Variants in COL24A1 observed in about 807,000 individuals in gnomAD.
The protein encoded by COL24A1 is collagen type XXIV alpha 1 chain, also known as collagen alpha-1(XXIV) chain.
In COL24A1, 224 loss-of-function variants were observed where a neutral mutation model predicts 253.9. The ratio of observed to expected loss-of-function variants is 0.88; its 90% CI spans 0.79 to 0.99. The LOEUF is 0.99. Among genes scored for constraint, COL24A1 ranks in the 50% least tolerant of loss-of-function variants. The probability of loss-of-function intolerance (pLI) is 0.00; values close to 1 mark genes in which losing one functional copy is unlikely to be tolerated. For synonymous variants in COL24A1, 685 were observed against 673.7 expected, an observed-to-expected ratio of 1.02 and a Z score of -0.26; for missense variants, 2,131 against 2,068.5, an observed-to-expected ratio of 1.03 and a Z score of -0.59.
Position 86,022,247 on chromosome 1 carries a change from C to T in COL24A1, c.2249G>A (p.Gly750Glu). ...GCAAAAGTTCAAACCTACTGAAGGC[C>T]CTGACTTTCCTCTCATCCCTGGTGG... ...PGPPGMRGKS[G>E]PSGQTGDPGL... The change falls in exon 18 of 60, where the codon GGG becomes GAG. Residue 750 changes from glycine (G) to glutamate (E), a missense_variant. Physicochemically the swap from Gly to Glu is moderately conservative, Grantham distance 98. Coordinates refer to ENST00000370571, the MANE Select transcript of COL24A1 (RefSeq NM_152890.7). 6.2e-7 allele frequency: 1 copy of T among 1,612,856 alleles called. No individual in the cohort carries two copies. Among genetic ancestry groups the T allele is most frequent in the Non-Finnish European group, 8.5e-7 (1 of 1,178,978 alleles).
intron 24 of COL24A1, among the ~76,000 whole-genome samples, chr1:85,914,263 A>G (rs1159079982): frequency 6.7e-6 from 1 of 150,124 alleles, no homozygotes. Context: ...AGAAACGAAG[A>G]CTATAATTGT....
chr1:86,066,325 G>T (rs1314816219), intron 7 of COL24A1, among the ~76,000 whole-genome samples: 1 of 133,964 alleles, frequency 7.5e-6, no homozygotes, highest in African/African-American at 2.8e-5. Flanking sequence ...TGCAAGCTCC[G>T]CCTCCCGGGT....
At chr1:85,914,741 C>T (rs12120918) in intron 24 of COL24A1, among the ~76,000 whole-genome samples, 17,522 of 152,124 alleles carry the variant, frequency 0.12, 1,365 homozygotes, top group Non-Finnish European at 0.17. Context: ...ATAACAGTAT[C>T]TAAGTATGGT....
At chr1:85,884,554 A>C (rs1435418964) in intron 32 of COL24A1, among the ~76,000 whole-genome samples, 1 of 152,114 alleles carries the variant, frequency 6.6e-6, no homozygotes, top group African/African-American at 2.4e-5. Context: ...ATAGTTCTAC[A>C]ATTAGGTCTC....
intron 59 of COL24A1, among the ~76,000 whole-genome samples, chr1:85,731,879 A>G (rs1570369412): frequency 6.6e-6 from 1 of 152,316 alleles, no homozygotes; most frequent in Middle Eastern, 3.4e-3. Flanking sequence ...TAAAATTTCC[A>G]CTTGATTAGT....
Position 85,987,086 on chromosome 1 carries a change from C to T in COL24A1, c.2364+515G>A, listed in dbSNP as rs139204269. 7.2e-4 allele frequency among the ~76,000 whole-genome samples: 110 copies of T among 151,778 alleles called. 1 individual carries two copies. The East Asian group carries it at 0.018, about 25-fold the overall frequency. ...AAAATGGTTAGATTAAAAGCATTGC[C>T]GAAATAATAAATTAGTATGTGAGTC... is the stretch of plus-strand genomic sequence containing the variant. On this transcript the variant is annotated intron_variant, in intron 20 of 59. Coordinates refer to ENST00000370571, the MANE Select transcript of COL24A1 (RefSeq NM_152890.7).
chr1:85,940,456 T>G (rs1431475038), intron 24 of COL24A1, among the ~76,000 whole-genome samples: 6 of 147,848 alleles, frequency 4.1e-5, no homozygotes, highest in African/African-American at 1.5e-4. Flanking sequence ...ATAAGATATA[T>G]TCAGCCATTT....
chr1:85,973,339 T>C (rs1439488610), intron 20 of COL24A1, among the ~76,000 whole-genome samples: 5 of 152,188 alleles, frequency 3.3e-5, no homozygotes, highest in Non-Finnish European at 7.3e-5. Context: ...TAATTTATTA[T>C]GGCAGATGGT....
intron 24 of COL24A1, among the ~76,000 whole-genome samples, chr1:85,950,301 T>C (rs1250485570): frequency 6.6e-6 from 1 of 152,098 alleles, no homozygotes; most frequent in Non-Finnish European, 1.5e-5. Context: ...AAAAAGCCAG[T>C]GGATTAAGGT....
At chr1:85,878,516 C>A (rs1405804457) in intron 32 of COL24A1, among the ~76,000 whole-genome samples, 2 of 152,164 alleles carry the variant, frequency 1.3e-5, no homozygotes, top group African/African-American at 4.8e-5. Context: ...AAATTTTTTG[C>A]ACCTATAAAT....
chr1:85,767,927 A>C (rs1156271231), intron 53 of COL24A1, among the ~76,000 whole-genome samples: 1 of 152,206 alleles, frequency 6.6e-6, no homozygotes, highest in Non-Finnish European at 1.5e-5. Flanking sequence ...CCTGTGTACC[A>C]CACAAAGTTC....
chr1:86,074,654 A>G (rs1287796749), intron 7 of COL24A1, among the ~76,000 whole-genome samples: 5 of 152,194 alleles, frequency 3.3e-5, no homozygotes, highest in Non-Finnish European at 7.3e-5. Context: ...CAGAATCTAC[A>G]TTCTTCTCAG....
chr1:85,793,148 T>C (rs899217181), intron 47 of COL24A1, among the ~76,000 whole-genome samples: 6 of 152,208 alleles, frequency 3.9e-5, no homozygotes, highest in African/African-American at 9.6e-5. Context: ...TGGTAAAAGA[T>C]AATTAAGTAT....
chr1:86,077,965 C>T (rs1702373092), intron 7 of COL24A1, among the ~76,000 whole-genome samples: 1 of 151,968 alleles, frequency 6.6e-6, no homozygotes, highest in Non-Finnish European at 1.5e-5. Context: ...ACATGTATCA[C>T]AGAACTTAAA....
rs780497726 is a variant in COL24A1, at chr1:86,125,871, G to C, written c.465C>G (p.Asn155Lys). ...GCCATTGCTCATCATGAACACTGTA[G>C]TTGAAAACTGCAGGCTGCTTTCCTC... is the stretch of plus-strand genomic sequence containing the variant. ...HIRGKQPAVFNYSVHDEQWHS... is the reference protein window; with the variant it reads ...HIRGKQPAVFKYSVHDEQWHS... Residue 155 changes from asparagine to lysine, a missense_variant, in exon 3 of 60, where the codon AAC becomes AAG. By Grantham distance (94) the Asn-to-Lys change is moderately conservative. Transcript: ENST00000370571. 1 of 1,613,238 alleles carries C rather than the reference G, an allele frequency of 6.2e-7. No homozygotes were observed. The highest frequency in any genetic ancestry group is 8.5e-7 in the Non-Finnish European group (1 of 1,179,700).
At chr1:85,748,144 C>T (rs1665473437) in intron 55 of COL24A1, among the ~76,000 whole-genome samples, 1 of 152,176 alleles carries the variant, frequency 6.6e-6, no homozygotes, top group African/African-American at 2.4e-5. Flanking sequence ...TGAAATTTCT[C>T]ACTGGCATCA....
chr1:85,868,961 T>G (rs1680102572), intron 35 of COL24A1, 126 bp from the exon 36 acceptor site: 2 of 590,836 alleles, frequency 3.4e-6, no homozygotes, highest in African/African-American at 3.9e-5. Flanking sequence ...ACTACTTTAT[T>G]TCTAAAGAGG....
At chr1:85,740,953 C>CAAAA (rs774839476) in intron 57 of COL24A1, among the ~76,000 whole-genome samples, 3 of 83,032 alleles carry the variant, frequency 3.6e-5, no homozygotes, top group South Asian at 1.0e-3. Context: ...TCTAAAAATA[C>CAAAA]AAAAAAAAAA....
At chr1:86,143,588 T>C (rs1032438279) in intron 2 of COL24A1, among the ~76,000 whole-genome samples, 1 of 151,994 alleles carries the variant, frequency 6.6e-6, no homozygotes, top group Non-Finnish European at 1.5e-5. Context: ...ACACAGAGAA[T>C]AGTAATGTTA....
Sources: allele counts gnomAD v4.1 joint callset (sites outside exome capture counted in the v4.1 genomes callset), GRCh38; gene constraint gnomAD v4.1.1; transcripts MANE v1.5; gene names NCBI Gene and HGNC (gene_info 2026-07-23, HGNC 2026-07-21).